The following DNAH14 variants were observed in gnomAD, a reference collection of about 807,000 sequenced individuals.
The protein encoded by DNAH14 is dynein axonemal heavy chain 14.
A neutral mutation model predicts 520.9 loss-of-function variants in DNAH14; 478 were observed. The observed-to-expected ratio is 0.92, with a 90% confidence interval of 0.85 to 0.99. The LOEUF (loss-of-function observed/expected upper bound fraction) is 0.99. Among genes scored for constraint, DNAH14 ranks in the 50% least tolerant of loss-of-function variants. DNAH14 has a pLI of 0.00. For synonymous variants in DNAH14, 1,581 were observed against 1,757.2 expected, an observed-to-expected ratio of 0.90 and a Z score of 2.51; for missense variants, 4,831 against 5,234.5, an observed-to-expected ratio of 0.92 and a Z score of 2.38.
At chr1:225,029,739 A>G (rs1454392236) in intron 11 of DNAH14, among the ~76,000 whole-genome samples, 1 of 151,998 alleles carries the variant, frequency 6.6e-6, no homozygotes, top group Non-Finnish European at 1.5e-5. Context: ...GTCATCCCTA[A>G]AAAGTGTATC....
Position 225,340,524 on chromosome 1 carries a change from A to G in DNAH14, c.10501A>G (p.Ile3501Val). 6.4e-7 allele frequency: 1 copy of G among 1,551,420 alleles called. No individual in the cohort carries two copies. The highest frequency in any genetic ancestry group is 1.2e-5 in the South Asian group (1 of 84,048). Residue 3501 changes from isoleucine (I) to valine (V), a missense_variant, in exon 69 of 86, where the codon ATC becomes GTC. Coordinates refer to ENST00000682510, the MANE Select transcript of DNAH14 (RefSeq NM_001367479.1). ...LPSVYNFVTM[I>V]NFTVTFQGLQ... The stretch of plus-strand genomic sequence containing the variant: ...ATCAGTTTATAACTTTGTTACTATG[A>G]TCAACTTCACTGTAACATTCCAAGG...
Position 225,373,926 on chromosome 1 carries a change from G to A in DNAH14, c.12319-762G>A, listed in dbSNP as rs114088748. Among the ~76,000 whole-genome samples the A allele has an allele frequency of 1.0e-2, 1,510 of 151,232 alleles. 26 individuals are homozygous for A. The highest frequency in any genetic ancestry group is 0.034 in the African/African-American group (1,416 of 41,202). On this transcript the variant is annotated intron_variant, in intron 77 of 85. Coordinates refer to ENST00000682510, the MANE Select transcript of DNAH14 (RefSeq NM_001367479.1). ...GGATCGCTTGAGCGCAGGAGTTCCAGACCAGCCTGGGCAACATGAGGAAAG... is the reference window on the plus strand; with the variant it reads ...GGATCGCTTGAGCGCAGGAGTTCCAAACCAGCCTGGGCAACATGAGGAAAG...
rs1572093961 is a variant in DNAH14, at chr1:224,964,386, T to TA, written c.368-93_368-92insA. The TA allele has an allele frequency of 6.9e-6, 9 of 1,306,016 alleles. No homozygotes were observed. The East Asian group carries it at 2.6e-4, about 37-fold the overall frequency. The allele number at this position is 1,306,016 out of a possible 1,614,324, so 80.9% of individuals were successfully genotyped here. A position where few individuals can be genotyped will look rare whatever the true frequency, so the allele number is the denominator to read the frequency against. On this transcript the variant is annotated intron_variant, in intron 4 of 85. Coordinates refer to ENST00000682510, the MANE Select transcript of DNAH14 (RefSeq NM_001367479.1). ...TATACTTTGTTACCATTTAAATTTT[T>TA]CTCTATATAGAAATATTTGTAATAT... is the stretch of plus-strand genomic sequence containing the variant.
At chr1:225,238,884 A>G (rs1490341303) in intron 42 of DNAH14, among the ~76,000 whole-genome samples, 1 of 152,148 alleles carries the variant, frequency 6.6e-6, no homozygotes, top group Non-Finnish European at 1.5e-5. Flanking sequence ...CCTCTTAAAG[A>G]AGCAGTCTGG....
chr1:225,188,227 A>G (rs1043337303), intron 37 of DNAH14, among the ~76,000 whole-genome samples: 4 of 151,910 alleles, frequency 2.6e-5, no homozygotes, highest in African/African-American at 9.7e-5. Context: ...TTAAATGGAA[A>G]ATTTCAGAAG....
intron 27 of DNAH14, among the ~76,000 whole-genome samples, chr1:225,140,122 T>G (rs569424711): frequency 6.6e-6 from 1 of 152,330 alleles, no homozygotes; most frequent in African/African-American, 2.4e-5. Context: ...TCAAATTTAA[T>G]ATATCCCTGA....
At chr1:224,960,052 GC>G in intron 3 of DNAH14, 100 bp from the exon 4 acceptor site, 11 of 1,215,646 alleles carry the variant, frequency 9.0e-6, no homozygotes, top group Non-Finnish European at 1.2e-5. Flanking sequence ...ATGCTATACT[GC>G]CTTATATAAT....
chr1:225,291,598 C>T (rs769639749), intron 55 of DNAH14, among the ~76,000 whole-genome samples: 15 of 151,890 alleles, frequency 9.9e-5, no homozygotes, highest in African/African-American at 2.2e-4. Context: ...TTTGTAGAGG[C>T]GGGGTCTCAC....
At chr1:225,101,062 T>C (rs1420325701) in intron 23 of DNAH14, among the ~76,000 whole-genome samples, 178 bp downstream of exon 23, 1 of 152,078 alleles carries the variant, frequency 6.6e-6, no homozygotes, top group Non-Finnish European at 1.5e-5. Context: ...AAAGGAAAAG[T>C]GTATGGACTA....
At chr1:225,221,025 G>A (rs183010868) in intron 41 of DNAH14, among the ~76,000 whole-genome samples, 55 of 152,202 alleles carry the variant, frequency 3.6e-4, no homozygotes, top group African/African-American at 1.2e-3. Flanking sequence ...GCTGATCTTC[G>A]AGAAACTTGA....
At chr1:225,335,023 TATAC>T (rs1179111438) in intron 66 of DNAH14, among the ~76,000 whole-genome samples, 4 of 149,102 alleles carry the variant, frequency 2.7e-5, no homozygotes, top group East Asian at 3.9e-4. Context: ...TATATGTATA[TATAC>T]ATACATATAT....
intron 69 of DNAH14, 128 bp from the exon 70 acceptor site, chr1:225,345,834 C>A: frequency 1.5e-6 from 1 of 674,472 alleles, no homozygotes; most frequent in Non-Finnish European, 2.4e-6. Flanking sequence ...CATTTAAGAG[C>A]CCGTCTCTGA....
Position 225,207,177 on chromosome 1 carries a change from T to A in DNAH14, c.6396T>A (p.Asp2132Glu). 1 of 1,537,930 alleles carries A rather than the reference T, an allele frequency of 6.5e-7. No individual in the cohort carries two copies. Among genetic ancestry groups the A allele is most frequent in the Non-Finnish European group, 8.8e-7 (1 of 1,141,352 alleles). ...TVVITLCRILDAFFDFMGKNG... is the reference protein window; with the variant it reads ...TVVITLCRILEAFFDFMGKNG... ...TCATAACCCTCTGCAGAATTCTTGA[T>A]GCTTTCTTTGACTTCATGGGTAAAA... The change falls in exon 41 of 86, where the codon GAT becomes GAA. Residue 2132 changes from aspartate (D) to glutamate (E), a missense_variant. Transcript: ENST00000682510.
chr1:225,014,598 T>C (rs535533571), intron 10 of DNAH14, among the ~76,000 whole-genome samples: 20 of 152,202 alleles, frequency 1.3e-4, no homozygotes, highest in Admixed American at 7.2e-4. Flanking sequence ...TTTTCATGTA[T>C]TTGTATAGCT....
At chr1:225,115,864 A>C (rs571790289) in intron 23 of DNAH14, among the ~76,000 whole-genome samples, 1 of 152,194 alleles carries the variant, frequency 6.6e-6, no homozygotes, top group African/African-American at 2.4e-5. Flanking sequence ...ATTCCCTGCT[A>C]TTACAGAACT....
At chr1:225,333,221 T>G in intron 65 of DNAH14, 70 bp from the exon 66 acceptor site, 1 of 1,266,488 alleles carries the variant, frequency 7.9e-7, no homozygotes, top group Non-Finnish European at 1.1e-6. Flanking sequence ...AACTTGGAAA[T>G]CATTAATTTT....
At chr1:225,034,359 A>G (rs1270562863) in intron 11 of DNAH14, among the ~76,000 whole-genome samples, 2 of 152,166 alleles carry the variant, frequency 1.3e-5, no homozygotes, top group Non-Finnish European at 2.9e-5. Flanking sequence ...GATGAATCAC[A>G]TTTATTGATT....
chr1:225,281,322 G>A (rs746176056), intron 54 of DNAH14, among the ~76,000 whole-genome samples: 1 of 151,810 alleles, frequency 6.6e-6, no homozygotes, highest in Non-Finnish European at 1.5e-5. Flanking sequence ...ACATCTCTTT[G>A]ACCCTTCATC....
chr1:225,223,004 G>GA (rs2090193652), intron 41 of DNAH14, among the ~76,000 whole-genome samples: 1 of 152,134 alleles, frequency 6.6e-6, no homozygotes, highest in Admixed American at 6.6e-5. Context: ...AAAGGGAAGG[G>GA]AGGAGGAATC....
Sources: allele counts gnomAD v4.1 joint callset (sites outside exome capture counted in the v4.1 genomes callset), GRCh38; gene constraint gnomAD v4.1.1; transcripts MANE v1.5; gene names NCBI Gene and HGNC (gene_info 2026-07-23, HGNC 2026-07-21).